The following TUSC3 variants were observed in gnomAD, a reference collection of about 807,000 sequenced individuals.
The protein encoded by TUSC3 is dolichyl-diphosphooligosaccharide--protein glycosyltransferase subunit TUSC3.
A neutral mutation model predicts 44.8 loss-of-function variants in TUSC3; 45 were observed. The ratio of observed to expected loss-of-function variants is 1.00; its 90% CI spans 0.79 to 1.29. The LOEUF (loss-of-function observed/expected upper bound fraction) is 1.29, where lower values mean the gene tolerates loss of function less well. Among genes scored for constraint, TUSC3 ranks in the 50% most tolerant of loss-of-function variants. TUSC3 has a pLI of 0.00. For synonymous variants in TUSC3, 212 were observed against 152.9 expected, an observed-to-expected ratio of 1.39 and a Z score of -2.85; for missense variants, 519 against 437.9, an observed-to-expected ratio of 1.19 and a Z score of -1.65.
At chr8:15,545,816 G>C (rs1443532366) in intron 1 of TUSC3, among the ~76,000 whole-genome samples, 1 of 151,592 alleles carries the variant, frequency 6.6e-6, no homozygotes, top group Non-Finnish European at 1.5e-5. Context: ...CATATTCATC[G>C]ATTTTAGATG....
chr8:15,730,625 G>A, intron 6 of TUSC3, 41 bp from the exon 7 acceptor site: 17 of 1,590,702 alleles, frequency 1.1e-5, no homozygotes, highest in Non-Finnish European at 1.5e-5. Context: ...ATAATTATGA[G>A]GCTTTCTCAG....
intron 6 of TUSC3, among the ~76,000 whole-genome samples, chr8:15,720,768 T>C (rs1810272234): frequency 6.6e-6 from 1 of 152,128 alleles, no homozygotes; most frequent in Non-Finnish European, 1.5e-5. Context: ...CTGGACATTT[T>C]AGCATGATAT....
chr8:15,700,247 T>C (rs1177004763), intron 6 of TUSC3, among the ~76,000 whole-genome samples: 1 of 152,172 alleles, frequency 6.6e-6, no homozygotes, highest in Non-Finnish European at 1.5e-5. Flanking sequence ...AAGTCATTTA[T>C]TTAATTCAAT....
At chr8:15,803,188 C>T in the TUSC3 span, among the ~76,000 whole-genome samples, 1 of 148,314 alleles carries the variant, frequency 6.7e-6, no homozygotes, top group Non-Finnish European at 1.5e-5. Flanking sequence ...TTGCCTAAAA[C>T]GTGCTTTATT....
chr8:15,476,640 G>C (rs1800578481), intron 1 of TUSC3, among the ~76,000 whole-genome samples: 1 of 151,976 alleles, frequency 6.6e-6, no homozygotes, highest in South Asian at 2.1e-4. Flanking sequence ...CACAAACAAA[G>C]CTGGGAAAGA....
chr8:15,806,899 C>T, the TUSC3 span: 20 of 1,314,690 alleles, frequency 1.5e-5, no homozygotes, highest in Admixed American at 1.4e-4. Flanking sequence ...AAGACGCTTA[C>T]ATCTGTTGAC....
At chr8:15,588,818 C>G (rs930184240) in intron 1 of TUSC3, among the ~76,000 whole-genome samples, 2 of 152,048 alleles carry the variant, frequency 1.3e-5, no homozygotes, top group African/African-American at 4.8e-5. Context: ...GGTGTCCTTT[C>G]CCCCAGTGTT....
At chr8:15,487,790 A>C (rs959509804) in intron 2 of TUSC3, among the ~76,000 whole-genome samples, 34 of 152,302 alleles carry the variant, frequency 2.2e-4, no homozygotes, top group Admixed American at 2.0e-3. Flanking sequence ...GATGTTTCCA[A>C]GGATCACTTC....
chr8:15,730,059 T>C (rs2721216), intron 6 of TUSC3, among the ~76,000 whole-genome samples: 47,514 of 151,836 alleles, frequency 0.31, 7,790 homozygotes, highest in Admixed American at 0.4. Context: ...GTAAGAGAGA[T>C]TATCAGCAGA....
At chr8:15,727,218 A>G (rs528807831) in intron 6 of TUSC3, among the ~76,000 whole-genome samples, 43 of 152,180 alleles carry the variant, frequency 2.8e-4, no homozygotes, top group Non-Finnish European at 5.6e-4. Context: ...TAGGTGAATT[A>G]AGTCATTGCT....
chr8:15,829,857 T>C, the TUSC3 span, among the ~76,000 whole-genome samples: 2 of 152,150 alleles, frequency 1.3e-5, no homozygotes, highest in Non-Finnish European at 2.9e-5. Context: ...TTTTAGTTCT[T>C]TGAGAAATCT....
chr8:15,714,129 A>G (rs1295055494), intron 6 of TUSC3, among the ~76,000 whole-genome samples: 1 of 152,162 alleles, frequency 6.6e-6, no homozygotes, highest in Non-Finnish European at 1.5e-5. Context: ...TATTGGTGGT[A>G]CAAAGCATTT....
rs551901856 is a variant in TUSC3, at chr8:15,422,632, G to C, written n.91+5327G>C. Among the ~76,000 whole-genome samples the C allele has an allele frequency of 1.5e-4, 23 of 152,072 alleles. 2 individuals carry two copies. Among genetic ancestry groups the C allele is most frequent in the African/African-American group, 5.3e-4 (22 of 41,506 alleles). On this transcript the variant is annotated intron_variant and non_coding_transcript_variant, in intron 1 of 5. Transcript: ENST00000503191. ...AAGTATAGTAATGCATCTAGTTTTTGGTTGATTGGTTGATTGGTTGGTTGG... is the reference window on the plus strand; with the variant it reads ...AAGTATAGTAATGCATCTAGTTTTTCGTTGATTGGTTGATTGGTTGGTTGG...
intron 1 of TUSC3, among the ~76,000 whole-genome samples, chr8:15,541,224 T>C (rs1034246880): frequency 1.3e-5 from 2 of 152,372 alleles, no homozygotes; most frequent in Middle Eastern, 3.4e-3. Flanking sequence ...TCATTCAATC[T>C]GATTTCAATC....
rs141744328 is a variant in TUSC3 at position 15,704,820 on chromosome 8, C to G, written c.799-25846C>G. Among the ~76,000 whole-genome samples, 348 of 151,952 alleles carry G rather than the reference C, an allele frequency of 2.3e-3. 1 individual carries two copies. Among genetic ancestry groups the G allele is most frequent in the African/African-American group, 8.0e-3 (330 of 41,448 alleles). ...TTTGGAATAGGAAGGATCGTTACTT[C>G]TTACGTTTGATTTTTTAGATAAACT... is the stretch of plus-strand genomic sequence containing the variant. On this transcript the variant is annotated intron_variant, in intron 6 of 10. Coordinates refer to ENST00000503731, the MANE Select transcript of TUSC3 (RefSeq NM_006765.4).
chr8:15,579,574 A>G (rs1803247311), intron 1 of TUSC3, among the ~76,000 whole-genome samples: 1 of 29,006 alleles, frequency 3.4e-5, no homozygotes, highest in Admixed American at 3.6e-4. Flanking sequence ...TTTGTTATGT[A>G]CCCAGTAGTC....
At chr8:15,849,591 T>A in the TUSC3 span, among the ~76,000 whole-genome samples, 1 of 152,152 alleles carries the variant, frequency 6.6e-6, no homozygotes, top group African/African-American at 2.4e-5. Flanking sequence ...CAAAGTGTGA[T>A]TTCAACTGGG....
downstream of TUSC3, among the ~76,000 whole-genome samples, chr8:15,768,072 A>T (rs559142073): frequency 6.6e-6 from 1 of 152,308 alleles, no homozygotes; most frequent in African/African-American, 2.4e-5. Context: ...AGACTAAAAC[A>T]GTGGTAAACA....
chr8:15,848,111 G>A, the TUSC3 span, among the ~76,000 whole-genome samples: 15 of 152,160 alleles, frequency 9.9e-5, no homozygotes, highest in South Asian at 3.1e-3. Flanking sequence ...TGGCCTATTA[G>A]ACTGTCCCCC....
Sources: gnomAD v4.1 joint callset for allele counts (sites outside exome capture counted in the v4.1 genomes callset) on GRCh38, gnomAD v4.1.1 for gene constraint, MANE v1.5 for transcripts, NCBI Gene and HGNC (gene_info 2026-07-23, HGNC 2026-07-21) for gene names.